TLR5: variants seen among roughly 807,000 people sequenced by gnomAD.
The protein encoded by TLR5 is toll like receptor 5.
For synonymous variants in TLR5, 373 were observed against 384.4 expected (o/e 0.97, Z 0.35); for missense variants, 944 against 999.8 (o/e 0.94, Z 0.75).
In TLR5 at chr1:223,111,211, G is replaced by T; in HGVS notation, c.1821C>A (p.Asp607Glu). 6.2e-7 allele frequency: 1 copy of T among 1,614,186 alleles called. No individual in the cohort carries two copies. Among genetic ancestry groups the T allele is most frequent in the Non-Finnish European group, 8.5e-7 (1 of 1,180,038 alleles). ...ACGAGTCAGGGTACACACAATATAT[G>T]TCTGCAGGAGGCCCAGCTATAGTGA... ...TNVTIAGPPA[D>E]IYCVYPDSFS... Residue 607 changes from aspartate to glutamate, a missense_variant, in exon 6 of 6, where the codon GAC becomes GAA. By Grantham distance (45) the Asp-to-Glu change is conservative. Transcript: ENST00000642603.
rs1656251703 is a variant in TLR5 at position 223,110,329 on chromosome 1, T to C, written c.*126A>G. 1 of 919,000 alleles carries C rather than the reference T, an allele frequency of 1.1e-6. No homozygotes were observed. The highest frequency in any genetic ancestry group is 1.7e-5 in the African/African-American group (1 of 59,904). 56.9% of individuals were successfully genotyped at this position (919,000 alleles called of 1,614,324 possible). Reference sequence around the variant, plus strand: ...GTTGATACGAAAATTGAGAGATTTATGTTGTTTTCATAGTAGCAAAAAGAA... The same window carrying C: ...GTTGATACGAAAATTGAGAGATTTACGTTGTTTTCATAGTAGCAAAAAGAA... On this transcript the variant is annotated 3_prime_UTR_variant, in exon 6 of 6. Transcript: ENST00000642603.
intron 3 of TLR5, among the ~76,000 whole-genome samples, chr1:223,135,129 G>T (rs974200915): frequency 6.6e-6 from 1 of 152,186 alleles, no homozygotes; most frequent in African/African-American, 2.4e-5. Flanking sequence ...CCCTGCAGCT[G>T]CTGGAGACAC....
intron 5 of TLR5, among the ~76,000 whole-genome samples, chr1:223,132,125 G>A (rs1657415830): frequency 1.3e-5 from 2 of 152,088 alleles, no homozygotes; most frequent in African/African-American, 4.8e-5. Context: ...CACTTTGGGA[G>A]GCCAAGATGG....
Position 223,131,046 on chromosome 1 carries a change from C to T in TLR5, c.-5+1429G>A, listed in dbSNP as rs950201700. 6.6e-6 allele frequency among the ~76,000 whole-genome samples: 1 copy of T among 152,180 alleles called. No homozygotes were observed. Among genetic ancestry groups the T allele is most frequent in the African/African-American group, 2.4e-5 (1 of 41,434 alleles). The stretch of plus-strand genomic sequence containing the variant: ...GCTTGGCTGCAAGGCTCCACTGCCT[C>T]CCCTCTAGATATGGGAGACACCACC... On this transcript the variant is annotated intron_variant, in intron 5 of 5. Coordinates refer to ENST00000642603, the MANE Select transcript of TLR5 (RefSeq NM_003268.6). This position sits in a 1 kb window ranked among gnomAD's most constrained non-coding sequence, Gnocchi z 4.2.
intron 5 of TLR5, among the ~76,000 whole-genome samples, chr1:223,114,255 A>G (rs1656514936): frequency 6.6e-6 from 1 of 152,124 alleles, no homozygotes; most frequent in South Asian, 2.1e-4. Flanking sequence ...TGTCTGGCTT[A>G]TGTTCCAAGT....
At chr1:223,116,834 CA>C (rs1203346622) in intron 5 of TLR5, among the ~76,000 whole-genome samples, 6 of 152,214 alleles carry the variant, frequency 3.9e-5, no homozygotes, top group Admixed American at 2.0e-4. Flanking sequence ...GGTGTATTTA[CA>C]ATCCTCTACC....
intron 4 of TLR5, among the ~76,000 whole-genome samples, chr1:223,133,746 G>A (rs1042432757): frequency 2.0e-5 from 3 of 152,250 alleles, no homozygotes; most frequent in Non-Finnish European, 4.4e-5. Flanking sequence ...AGGAGGAGGG[G>A]ATGGATGGGT....
chr1:223,127,072 G>A (rs1657197361), intron 5 of TLR5: 2 of 152,220 alleles, frequency 1.3e-5, no homozygotes, highest in Admixed American at 1.3e-4. Flanking sequence ...TGCATTTCAG[G>A]GGTGCCTCTG....
chr1:223,139,915 T>C (rs1657768310), intron 2 of TLR5, among the ~76,000 whole-genome samples: 1 of 152,188 alleles, frequency 6.6e-6, no homozygotes, highest in Non-Finnish European at 1.5e-5. Flanking sequence ...TGAATTTCAA[T>C]CAAGAATCAT....
intron 5 of TLR5, among the ~76,000 whole-genome samples, chr1:223,116,829 A>T (rs1375383264): frequency 6.6e-6 from 1 of 152,156 alleles, no homozygotes; most frequent in African/African-American, 2.4e-5. Context: ...TGATTGGTGT[A>T]TTTACAATCC....
intron 5 of TLR5, among the ~76,000 whole-genome samples, chr1:223,122,455 G>A (rs1656991896): frequency 6.6e-6 from 1 of 152,200 alleles, no homozygotes. Context: ...GGGGTGAAGA[G>A]TCTGAAGATG....
chr1:223,134,544 A>G (rs1657527342), intron 4 of TLR5, 138 bp downstream of exon 4: 1 of 152,250 alleles, frequency 6.6e-6, no homozygotes, highest in Non-Finnish European at 1.5e-5. Flanking sequence ...TTGTTTGCAC[A>G]TTATAACTCT....
chr1:223,138,954 C>T lies in TLR5; in HGVS notation c.-438-1691G>A, dbSNP rs117755502. Among the ~76,000 whole-genome samples, 855 of 152,248 alleles carry T rather than the reference C, an allele frequency of 5.6e-3. 29 individuals are homozygous for T. In the East Asian group the frequency reaches 0.087, roughly 16 times the overall value. On this transcript the variant is annotated intron_variant, in intron 2 of 5. Coordinates refer to ENST00000642603, the MANE Select transcript of TLR5 (RefSeq NM_003268.6). Reference sequence around the variant, plus strand: ...TTCTTGTGATAAGGAATAAGTCTCACGAGATTTAATGGTTTTATAAATGGG... The same window carrying T: ...TTCTTGTGATAAGGAATAAGTCTCATGAGATTTAATGGTTTTATAAATGGG...
At position 223,111,394 on chromosome 1, in the gene TLR5, T is replaced by C; in HGVS notation, c.1638A>G (p.Leu546=). The change falls in exon 6 of 6, where the codon TTA becomes TTG. Residue 546 remains leucine (L), a synonymous_variant. Transcript: ENST00000642603. ...TGTCCAGGATCTCTAAATTAGCAGG[T>C]AAATCATTGTGAGAAAGAACTGTCA... The part of the protein sequence containing the change: ...NRLTVLSHND[L]PANLEILDIS... The C allele has an allele frequency of 6.2e-7, 1 of 1,614,166 alleles. No individual in the cohort carries two copies. The highest frequency in any genetic ancestry group is 1.1e-5 in the South Asian group (1 of 91,088).
At chr1:223,134,404 G>C (rs893574079) in intron 4 of TLR5, 7 of 152,240 alleles carry the variant, frequency 4.6e-5, no homozygotes, top group African/African-American at 1.7e-4. Flanking sequence ...AGCTTCCTGT[G>C]TTTTCTTTAC....
At chr1:223,140,834 C>A (rs1471004510) in intron 2 of TLR5, among the ~76,000 whole-genome samples, 2 of 152,248 alleles carry the variant, frequency 1.3e-5, no homozygotes, top group Non-Finnish European at 2.9e-5. Context: ...CTTCTTTGAG[C>A]TAGCAGATGC....
Position 223,112,596 on chromosome 1 carries a change from C to A in TLR5, c.436G>T (p.Ala146Ser), listed in dbSNP as rs2102866159. 1 of 1,614,148 alleles carries A rather than the reference C, an allele frequency of 6.2e-7. No homozygotes were observed. Among genetic ancestry groups the A allele is most frequent in the East Asian group, 2.2e-5 (1 of 44,890 alleles). ...TTGGATAGATCCAAGCGAGTTAAAGCCTTTAAATTTCTGAAATAACCATCT... is the reference window on the plus strand; with the variant it reads ...TTGGATAGATCCAAGCGAGTTAAAGACTTTAAATTTCTGAAATAACCATCT... ...LKDGYFRNLK[A>S]LTRLDLSKNQ... Residue 146 changes from alanine (A) to serine (S), a missense_variant, in exon 6 of 6, where the codon GCT becomes TCT. Transcript: ENST00000642603.
chr1:223,132,379 G>GTATA (rs1360485647), intron 5 of TLR5, 96 bp downstream of exon 5: 1 of 151,872 alleles, frequency 6.6e-6, no homozygotes, highest in African/African-American at 2.4e-5. Context: ...TTGTACATAT[G>GTATA]TATATATATA....
intron 3 of TLR5, among the ~76,000 whole-genome samples, chr1:223,135,364 C>A (rs1428274852): frequency 6.6e-6 from 1 of 152,142 alleles, no homozygotes; most frequent in East Asian, 1.9e-4. Context: ...GTGGAATCTG[C>A]CTGGGCAGGC....
Sources: allele counts gnomAD v4.1 joint callset (sites outside exome capture counted in the v4.1 genomes callset), GRCh38; gene constraint gnomAD v4.1.1; non-coding constraint Gnocchi (gnomAD v3.1); transcripts MANE v1.5; gene names NCBI Gene and HGNC (gene_info 2026-07-23, HGNC 2026-07-21).